Variants in GLP1R observed in about 807,000 individuals in gnomAD.
GLP1R encodes glucagon like peptide 1 receptor, also known as glucagon-like peptide 1 receptor.
GLP1R carries 32 observed loss-of-function variants against 68.4 expected under a neutral mutation model. The ratio of observed to expected loss-of-function variants is 0.47; its 90% CI spans 0.35 to 0.63. GLP1R has a LOEUF of 0.63. GLP1R is among the 20% of genes least tolerant of loss of function. GLP1R has a pLI of 0.00. For synonymous variants in GLP1R, 263 were observed against 244.4 expected (o/e 1.08, Z -0.71); for missense variants, 502 against 594.9 (o/e 0.84, Z 1.62).
intron 7 of GLP1R, among the ~76,000 whole-genome samples, chr6:39,074,640 G>A (rs976481089): frequency 8.6e-5 from 13 of 151,850 alleles, no homozygotes; most frequent in South Asian, 2.1e-4. Context: ...CCCACCTCAC[G>A]CTGCTCTGAC....
At chr6:39,068,775 C>T (rs1451370994) in intron 5 of GLP1R, among the ~76,000 whole-genome samples, 1 of 152,122 alleles carries the variant, frequency 6.6e-6, no homozygotes, top group Non-Finnish European at 1.5e-5. Context: ...ACTTCCAATG[C>T]CTCACAGTGT....
chr6:39,066,718 A>G (rs555403781), intron 5 of GLP1R, among the ~76,000 whole-genome samples: 4 of 152,320 alleles, frequency 2.6e-5, no homozygotes, highest in Admixed American at 1.3e-4. Context: ...TTTCAGCCCC[A>G]GTGGAAAAGT....
chr6:39,084,888 C>T (rs1769106178), intron 12 of GLP1R, among the ~76,000 whole-genome samples: 1 of 152,158 alleles, frequency 6.6e-6, no homozygotes, highest in South Asian at 2.1e-4. Context: ...GAGATTGGCC[C>T]CTTATCCACA....
rs1042461152 is a variant in GLP1R, at chr6:39,072,938, A to G, written c.586A>G (p.Ile196Val). The change falls in exon 6 of 13, where the codon ATC becomes GTC. Residue 196 changes from isoleucine (I) to valine (V), a missense_variant. Coordinates refer to ENST00000373256, the MANE Select transcript of GLP1R (RefSeq NM_002062.5). ...CATCCTGCGAGCATTGTCCGTCTTC[A>G]TCAAGGACGCAGCCCTGAAGTGGAT... is the stretch of plus-strand genomic sequence containing the variant. ...SFILRALSVF[I>V]KDAALKWMYS... The G allele has an allele frequency of 4.3e-6, 7 of 1,614,052 alleles. No individual in the cohort carries two copies. The African/African-American group carries it at 9.3e-5, about 22-fold the overall frequency.
rs942569453 is a variant in GLP1R, at chr6:39,081,296, A to T, written c.1224+557A>T. Among the ~76,000 whole-genome samples, 4 of 152,180 alleles carry T rather than the reference A, an allele frequency of 2.6e-5. No homozygotes were observed. The East Asian group carries it at 7.7e-4, about 29-fold the overall frequency. ...TTTGGCTAAGGTGAAGTGTGGAAATAGTGGCATGGCAGAGCCAGGATTCAA... is the reference window on the plus strand; with the variant it reads ...TTTGGCTAAGGTGAAGTGTGGAAATTGTGGCATGGCAGAGCCAGGATTCAA... On this transcript the variant is annotated intron_variant, in intron 12 of 12. Transcript: ENST00000373256.
At chr6:39,074,585 C>T (rs1021696249) in intron 7 of GLP1R, among the ~76,000 whole-genome samples, 7 of 152,022 alleles carry the variant, frequency 4.6e-5, no homozygotes, top group Non-Finnish European at 8.8e-5. Flanking sequence ...CACCATCCCC[C>T]GCCCTGCTTG....
At chr6:39,053,427 T>C (rs1370795671) in intron 1 of GLP1R, among the ~76,000 whole-genome samples, 4 of 152,230 alleles carry the variant, frequency 2.6e-5, no homozygotes. Context: ...TCATTGGACA[T>C]GAACATATAT....
intron 3 of GLP1R, among the ~76,000 whole-genome samples, chr6:39,059,278 A>G (rs1331079991): frequency 6.6e-6 from 1 of 152,228 alleles, no homozygotes; most frequent in East Asian, 1.9e-4. Flanking sequence ...TGGGGAAACT[A>G]AGGCACAGAG....
At position 39,079,008 on chromosome 6, in the gene GLP1R, C is replaced by T. The variant is rs1276203625; in HGVS notation, c.936C>T (p.Pro312=). 1.2e-6 allele frequency: 2 copies of T among 1,613,956 alleles called. No individual in the cohort carries two copies. The highest frequency in any genetic ancestry group is 1.7e-6 in the Non-Finnish European group (2 of 1,179,968). Residue 312 remains proline, a synonymous_variant, in exon 9 of 13, where the codon CCC becomes CCT. Transcript: ENST00000373256. The surrounding 1 kb of genome is among the most constrained non-coding windows in gnomAD (Gnocchi z 4.5). ...NMNYWLIIRL[P]ILFAIGVNFL... ...ACTACTGGCTCATTATCCGGCTGCC[C>T]ATTCTCTTTGCCATTGGGGTGAGTG...
At chr6:39,073,844 C>G in intron 7 of GLP1R, 75 bp downstream of exon 7, 1 of 1,376,402 alleles carries the variant, frequency 7.3e-7, no homozygotes, top group South Asian at 1.2e-5. Context: ...TAACATGGTA[C>G]TTGGAACGCA....
intron 12 of GLP1R, among the ~76,000 whole-genome samples, chr6:39,081,301 C>T (rs1424727837): frequency 6.6e-6 from 1 of 152,194 alleles, no homozygotes; most frequent in East Asian, 1.9e-4. Context: ...GAAATAGTGG[C>T]ATGGCAGAGC....
At chr6:39,075,678 G>A (rs1436573830) in intron 7 of GLP1R, among the ~76,000 whole-genome samples, 1 of 152,216 alleles carries the variant, frequency 6.6e-6, no homozygotes, top group Non-Finnish European at 1.5e-5. Context: ...AGGTTGCTAG[G>A]AGCTCAGACG....
intron 1 of GLP1R, 111 bp from the exon 2 acceptor site, chr6:39,056,286 T>A (rs1768211563): frequency 1.7e-6 from 1 of 598,320 alleles, no homozygotes; most frequent in South Asian, 2.1e-5. Context: ...CTGGCAGAAT[T>A]TGGGGCTTTG....
At chr6:39,057,804 G>C (rs1768254232) in intron 3 of GLP1R, among the ~76,000 whole-genome samples, 1 of 147,732 alleles carries the variant, frequency 6.8e-6, no homozygotes, top group Non-Finnish European at 1.5e-5. Flanking sequence ...GCAGTGGTGA[G>C]CCCCCTCCCT....
At chr6:39,055,726 G>A (rs551921199) in intron 1 of GLP1R, among the ~76,000 whole-genome samples, 2 of 150,480 alleles carry the variant, frequency 1.3e-5, no homozygotes, top group Non-Finnish European at 2.9e-5. Flanking sequence ...CGGGGAGGGG[G>A]TGGGGGGTGC....
rs775298690 is a variant in GLP1R, at chr6:39,065,843, G to A, written c.402+14G>A. The A allele has an allele frequency of 6.6e-7, 1 of 1,514,588 alleles. No individual in the cohort carries two copies. Among genetic ancestry groups the A allele is most frequent in the Non-Finnish European group, 9.2e-7 (1 of 1,091,746 alleles). 93.8% of individuals were successfully genotyped at this position (1,514,588 alleles called of 1,614,324 possible). A position where few individuals can be genotyped will look rare whatever the true frequency, so the allele number is the denominator to read the frequency against. ...CGAGGGGAAAGAGTGAGTTGAGGCGGGGTTCTGAGCCAGGGAGCGGGGAGC... is the reference window on the plus strand; with the variant it reads ...CGAGGGGAAAGAGTGAGTTGAGGCGAGGTTCTGAGCCAGGGAGCGGGGAGC... On this transcript the variant is annotated intron_variant, in intron 4 of 12. Transcript: ENST00000373256.
intron 11 of GLP1R, among the ~76,000 whole-genome samples, chr6:39,080,040 T>G (rs1768954327): frequency 6.6e-6 from 1 of 152,176 alleles, no homozygotes. Flanking sequence ...CCAGGAGATG[T>G]GCAGGGTTAG....
rs1408854563 is a variant in GLP1R, at chr6:39,079,180, C to T, written c.1023C>T (p.Cys341=). The T allele has an allele frequency of 1.9e-6, 3 of 1,612,776 alleles. No homozygotes were observed. The highest frequency in any genetic ancestry group is 3.3e-5 in the Admixed American group (2 of 60,020). Residue 341 remains cysteine, a synonymous_variant, in exon 10 of 13, where the codon TGC becomes TGT. Transcript: ENST00000373256. This position sits in a 1 kb window ranked among gnomAD's most constrained non-coding sequence, Gnocchi z 4.5. ...VVSKLKANLM[C]KTDIKCRLAK... ...CCAAACTGAAGGCCAATCTCATGTGCAAGACAGACATCAAATGCAGGTGAT... is the reference window on the plus strand; with the variant it reads ...CCAAACTGAAGGCCAATCTCATGTGTAAGACAGACATCAAATGCAGGTGAT...
intron 3 of GLP1R, among the ~76,000 whole-genome samples, chr6:39,063,926 AACACACAC>A (rs530782175): frequency 6.9e-5 from 9 of 130,266 alleles, no homozygotes; most frequent in East Asian, 4.6e-4. Flanking sequence ...ACAGACACAT[AACACACAC>A]ACACACACAC....
Sources: gnomAD v4.1 joint callset for allele counts (sites outside exome capture counted in the v4.1 genomes callset) on GRCh38, gnomAD v4.1.1 for gene constraint, Gnocchi (gnomAD v3.1) non-coding constraint, MANE v1.5 for transcripts, NCBI Gene and HGNC (gene_info 2026-07-23, HGNC 2026-07-21) for gene names.